DLGAP1: variants seen among roughly 807,000 people sequenced by gnomAD.
DLGAP1 encodes DLG associated protein 1.
Under a neutral mutation model 90.8 loss-of-function variants are expected in DLGAP1, and 11 were observed. The observed-to-expected ratio is 0.12, with a 90% confidence interval of 0.08 to 0.20. The LOEUF is 0.20. Ranked by LOEUF, DLGAP1 falls within the 10% of genes least tolerant of loss-of-function variation. DLGAP1 has a pLI of 1.00. For synonymous variants in DLGAP1, 558 were observed against 540.7 expected, an observed-to-expected ratio of 1.03 and a Z score of -0.44; for missense variants, 1,050 against 1,333.8, an observed-to-expected ratio of 0.79 and a Z score of 3.31.
chr18:3,715,354 T>C (rs12962867), intron 7 of DLGAP1, among the ~76,000 whole-genome samples: 35,501 of 152,162 alleles, frequency 0.23, 4,487 homozygotes, highest in East Asian at 0.46. Context: ...CAGGCTGCAA[T>C]GAATGTCACC....
At chr18:4,226,723 A>G (rs2078197523) in intron 1 of DLGAP1, among the ~76,000 whole-genome samples, 1 of 150,876 alleles carries the variant, frequency 6.6e-6, no homozygotes, top group African/African-American at 2.4e-5. Flanking sequence ...AAAAATAGAA[A>G]GCAATAAATG....
At chr18:4,246,810 T>A (rs2078661943) in intron 1 of DLGAP1, among the ~76,000 whole-genome samples, 1 of 152,254 alleles carries the variant, frequency 6.6e-6, no homozygotes, top group Non-Finnish European at 1.5e-5. Flanking sequence ...AGTTGTTGGT[T>A]TCTTTTCAAT....
At chr18:3,837,980 A>T (rs1203919371) in intron 4 of DLGAP1, among the ~76,000 whole-genome samples, 1 of 151,680 alleles carries the variant, frequency 6.6e-6, no homozygotes, top group Non-Finnish European at 1.5e-5. Flanking sequence ...TATATTACTA[A>T]TGGATGGCAT....
chr18:4,174,367 C>T (rs963269346), intron 1 of DLGAP1, among the ~76,000 whole-genome samples: 1 of 151,988 alleles, frequency 6.6e-6, no homozygotes, highest in Non-Finnish European at 1.5e-5. Flanking sequence ...CGGAGTCTTG[C>T]TCTGTCACCC....
chr18:3,929,828 G>A (rs1433233236), intron 3 of DLGAP1, among the ~76,000 whole-genome samples: 1 of 152,164 alleles, frequency 6.6e-6, no homozygotes, highest in African/African-American at 2.4e-5. Flanking sequence ...AATAGTGTGA[G>A]GAACATTCTG....
At chr18:4,433,381 A>T (rs2083332259) in intron 1 of DLGAP1, among the ~76,000 whole-genome samples, 1 of 152,198 alleles carries the variant, frequency 6.6e-6, no homozygotes, top group South Asian at 2.1e-4. Context: ...CAACTATTTT[A>T]AAAAGTGTTC....
chr18:3,713,785 C>T (rs570875595), intron 7 of DLGAP1, among the ~76,000 whole-genome samples: 44 of 152,254 alleles, frequency 2.9e-4, no homozygotes, highest in African/African-American at 9.4e-4. Flanking sequence ...GAGAGCCTGG[C>T]GCACTGCAGA....
chr18:3,923,489 G>C (rs1261590631), intron 3 of DLGAP1, among the ~76,000 whole-genome samples: 2 of 151,782 alleles, frequency 1.3e-5, no homozygotes, highest in Non-Finnish European at 2.9e-5. Context: ...TTATTGCTTT[G>C]TCAGTCAAGT....
chr18:4,244,669 G>T (rs978473752), intron 1 of DLGAP1, among the ~76,000 whole-genome samples: 4 of 152,188 alleles, frequency 2.6e-5, no homozygotes, highest in African/African-American at 9.6e-5. Flanking sequence ...CAATGGATCA[G>T]TTACATGATC....
At chr18:4,234,166 T>C (rs1466225429) in intron 1 of DLGAP1, among the ~76,000 whole-genome samples, 2 of 151,706 alleles carry the variant, frequency 1.3e-5, no homozygotes, top group African/African-American at 4.8e-5. Flanking sequence ...TAATGGTCCC[T>C]AATGATTACT....
chr18:3,882,526 C>CAA (rs111965129), intron 3 of DLGAP1, among the ~76,000 whole-genome samples: 26,675 of 113,322 alleles, frequency 0.24, 2,928 homozygotes, highest in South Asian at 0.32. Flanking sequence ...GACCCTGTCT[C>CAA]AAAAAAAAAA....
intron 1 of DLGAP1, among the ~76,000 whole-genome samples, chr18:4,340,642 T>C (rs1391839161): frequency 6.6e-6 from 1 of 152,136 alleles, no homozygotes; most frequent in African/African-American, 2.4e-5. Context: ...AAAACTATAG[T>C]TGAAGAGACC....
At chr18:4,245,975 T>C (rs1303836039) in intron 1 of DLGAP1, among the ~76,000 whole-genome samples, 1 of 150,896 alleles carries the variant, frequency 6.6e-6, no homozygotes, top group African/African-American at 2.4e-5. Flanking sequence ...CCCTTAAATA[T>C]ATATTCAAAC....
chr18:4,152,696 A>G (rs768892158), intron 1 of DLGAP1, among the ~76,000 whole-genome samples: 2 of 152,210 alleles, frequency 1.3e-5, no homozygotes, highest in Non-Finnish European at 2.9e-5. Context: ...TGATAATAAT[A>G]CACAGGAGGA....
At chr18:3,802,441 C>T (rs1028378871) in intron 5 of DLGAP1, among the ~76,000 whole-genome samples, 4 of 152,176 alleles carry the variant, frequency 2.6e-5, no homozygotes, top group African/African-American at 9.6e-5. Context: ...AGATGGCTTC[C>T]CATTTTTAAA....
rs34353326 is a variant in DLGAP1 at position 3,920,352 on chromosome 18, CAAA to C, written c.-72-40215_-72-40213del. Reference sequence around the variant, plus strand: ...TTCAGCGACTGAGGGAGACTCTGTCCAAAAAAAAAAAAAAAAAAAAAGCACTGG... The same window carrying C: ...TTCAGCGACTGAGGGAGACTCTGTCCAAAAAAAAAAAAAAAAAAGCACTGG... On this transcript the variant is annotated intron_variant, in intron 3 of 12. Transcript: ENST00000315677. 5.3e-5 allele frequency among the ~76,000 whole-genome samples: 4 copies of C among 75,524 alleles called. No homozygotes were observed. The Middle Eastern group carries it at 0.025, about 480-fold the overall frequency. 49.5% of individuals were successfully genotyped at this position (75,524 alleles called of 152,430 possible).
chr18:4,281,228 T>C (rs1213394022), intron 1 of DLGAP1, among the ~76,000 whole-genome samples: 1 of 152,202 alleles, frequency 6.6e-6, no homozygotes, highest in African/African-American at 2.4e-5. Flanking sequence ...CCTAAAGTTG[T>C]ATTTTGTTTG....
intron 2 of DLGAP1, among the ~76,000 whole-genome samples, chr18:4,127,059 C>T (rs909706128): frequency 4.6e-5 from 7 of 152,166 alleles, no homozygotes; most frequent in African/African-American, 1.7e-4. Context: ...GCTTATGACA[C>T]TGTAATATCA....
At position 3,952,607 on chromosome 18, in the gene DLGAP1, G is replaced by A. The variant is rs188625512; in HGVS notation, c.-73+52509C>T. Among the ~76,000 whole-genome samples, 16 of 152,376 alleles carry A rather than the reference G, an allele frequency of 1.1e-4. No individual in the cohort carries two copies. The East Asian group carries it at 3.1e-3, about 29-fold the overall frequency. Reference sequence around the variant, plus strand: ...AAGGGGTGACACAGAAGAGCATGCTGAGGGTAGGAACAAAACCATGGTAAG... The same window carrying A: ...AAGGGGTGACACAGAAGAGCATGCTAAGGGTAGGAACAAAACCATGGTAAG... On this transcript the variant is annotated intron_variant, in intron 3 of 12. Coordinates refer to ENST00000315677, the MANE Select transcript of DLGAP1 (RefSeq NM_004746.4).
Sources: gnomAD v4.1 joint callset for allele counts (sites outside exome capture counted in the v4.1 genomes callset) on GRCh38, gnomAD v4.1.1 for gene constraint, MANE v1.5 for transcripts, NCBI Gene and HGNC (gene_info 2026-07-23, HGNC 2026-07-21) for gene names.